XKR9: variants seen among roughly 807,000 people sequenced by gnomAD.
XKR9 encodes the protein XK-related protein 9.
In XKR9, 32 loss-of-function variants were observed where a neutral mutation model predicts 32.0. That is an observed-to-expected ratio of 1.00 (90% confidence interval 0.76 to 1.34). The LOEUF (loss-of-function observed/expected upper bound fraction) is 1.34. Among genes scored for constraint, XKR9 ranks in the 40% most tolerant of loss-of-function variants. XKR9 has a pLI of 0.00. For missense variants in XKR9, 546 were observed against 429.7 expected (o/e 1.27, Z -2.39); for synonymous variants, 168 against 143.4 (o/e 1.17, Z -1.22).
At chr8:70,945,612 T>G in the XKR9 span, among the ~76,000 whole-genome samples, 106 of 152,234 alleles carry the variant, frequency 7.0e-4, 1 homozygote, top group African/African-American at 2.5e-3. Flanking sequence ...GTCTAGACAC[T>G]ACCTAACTCC....
At chr8:71,023,988 G>C in the XKR9 span, among the ~76,000 whole-genome samples, 1 of 152,172 alleles carries the variant, frequency 6.6e-6, no homozygotes, top group Admixed American at 6.5e-5. Flanking sequence ...ATATACCCTT[G>C]GTAACCAATA....
chr8:70,977,549 G>C, the XKR9 span, among the ~76,000 whole-genome samples: 2 of 152,214 alleles, frequency 1.3e-5, no homozygotes, highest in Admixed American at 6.5e-5. Context: ...GCAGTTTTGA[G>C]TGAGTTTCTT....
At chr8:70,801,799 CTAT>C in the XKR9 span, among the ~76,000 whole-genome samples, 3 of 152,128 alleles carry the variant, frequency 2.0e-5, no homozygotes, top group Non-Finnish European at 4.4e-5. Context: ...TTATCTGAGT[CTAT>C]TCATAGGTCT....
chr8:70,862,241 T>C, the XKR9 span, among the ~76,000 whole-genome samples: 1 of 152,132 alleles, frequency 6.6e-6, no homozygotes, highest in African/African-American at 2.4e-5. Flanking sequence ...ATTTTCTCTT[T>C]TATAAAGCAT....
At chr8:70,891,040 A>C in the XKR9 span, among the ~76,000 whole-genome samples, 3 of 151,906 alleles carry the variant, frequency 2.0e-5, no homozygotes, top group Admixed American at 6.6e-5. Context: ...ATGTGTCCAG[A>C]AATTTAACCA....
chr8:70,810,851 A>G, the XKR9 span, among the ~76,000 whole-genome samples: 10 of 152,222 alleles, frequency 6.6e-5, no homozygotes, highest in Non-Finnish European at 1.2e-4. Flanking sequence ...GGAGACTTTA[A>G]CACCCCACTG....
the XKR9 span, among the ~76,000 whole-genome samples, chr8:71,028,057 A>C: frequency 6.6e-6 from 1 of 152,196 alleles, no homozygotes; most frequent in Non-Finnish European, 1.5e-5. Context: ...TATAGCTGTG[A>C]GCCATGGCAA....
the XKR9 span, among the ~76,000 whole-genome samples, chr8:70,806,438 G>A: frequency 6.6e-6 from 1 of 152,160 alleles, no homozygotes; most frequent in African/African-American, 2.4e-5. Context: ...GACAGAAGTA[G>A]GCCTGAAAAG....
chr8:70,807,281 G>T, the XKR9 span, among the ~76,000 whole-genome samples: 1 of 152,038 alleles, frequency 6.6e-6, no homozygotes, highest in Non-Finnish European at 1.5e-5. Context: ...ATATGGAAAA[G>T]AAAAACCAGT....
intron 4 of XKR9, 85 bp from the exon 5 acceptor site, chr8:70,733,711 T>C (rs1806749003): frequency 7.8e-7 from 1 of 1,274,456 alleles, no homozygotes; most frequent in Admixed American, 3.3e-5. Flanking sequence ...GGTGTGTGTA[T>C]ATAGATATAG....
At chr8:71,051,238 C>T in the XKR9 span, among the ~76,000 whole-genome samples, 6 of 152,062 alleles carry the variant, frequency 3.9e-5, no homozygotes, top group Middle Eastern at 3.2e-3. Context: ...TAATGTCACT[C>T]GAGGTATCCT....
intron 3 of XKR9, among the ~76,000 whole-genome samples, chr8:70,699,832 G>T (rs1192249551): frequency 2.0e-5 from 3 of 152,156 alleles, no homozygotes; most frequent in Non-Finnish European, 4.4e-5. Context: ...ATCAGATGTA[G>T]ATTTGGTCTT....
chr8:70,793,741 CTT>C (rs1271623124), downstream of XKR9, among the ~76,000 whole-genome samples: 5 of 151,750 alleles, frequency 3.3e-5, no homozygotes, highest in African/African-American at 1.2e-4. Context: ...TCCACACTGT[CTT>C]GATTATTGTA....
intron 2 of XKR9, among the ~76,000 whole-genome samples, chr8:70,745,767 A>C (rs981419142): frequency 6.6e-6 from 1 of 152,222 alleles, no homozygotes; most frequent in South Asian, 2.1e-4. Context: ...GGGATCAACT[A>C]TGTATTGCTA....
the XKR9 span, among the ~76,000 whole-genome samples, chr8:70,860,119 A>G: frequency 1.3e-5 from 2 of 152,150 alleles, no homozygotes; most frequent in Non-Finnish European, 2.9e-5. Flanking sequence ...CACAAATATT[A>G]TATATCAATA....
the XKR9 span, among the ~76,000 whole-genome samples, chr8:70,925,460 C>A: frequency 6.6e-6 from 1 of 152,132 alleles, no homozygotes; most frequent in Non-Finnish European, 1.5e-5. Flanking sequence ...TAAAATCAAA[C>A]AATAACTCTA....
chr8:70,979,065 T>C, the XKR9 span, among the ~76,000 whole-genome samples: 4 of 152,330 alleles, frequency 2.6e-5, no homozygotes, highest in South Asian at 8.3e-4. Context: ...GTAGTTCTCA[T>C]GCCATGGTTT....
At chr8:70,881,001 A>G in the XKR9 span, among the ~76,000 whole-genome samples, 1 of 152,220 alleles carries the variant, frequency 6.6e-6, no homozygotes, top group Non-Finnish European at 1.5e-5. Flanking sequence ...GACAAACCTG[A>G]CAAAAACAAG....
chr8:70,886,731 A>G, the XKR9 span, among the ~76,000 whole-genome samples: 3 of 148,826 alleles, frequency 2.0e-5, no homozygotes, highest in African/African-American at 7.5e-5. Flanking sequence ...CCACTTTTTG[A>G]TGTTTTTTTT....
Sources: allele counts gnomAD v4.1 joint callset (sites outside exome capture counted in the v4.1 genomes callset), GRCh38; gene constraint gnomAD v4.1.1; transcripts MANE v1.5; gene names NCBI Gene and HGNC (gene_info 2026-07-23, HGNC 2026-07-21).